SLC26A3: variants seen among roughly 807,000 people sequenced by gnomAD.
SLC26A3 encodes chloride anion exchanger.
Under a neutral mutation model 85.6 loss-of-function variants are expected in SLC26A3, and 64 were observed. The observed-to-expected ratio is 0.75, with a 90% CI of 0.61 to 0.92. SLC26A3 has a LOEUF of 0.92. Among genes scored for constraint, SLC26A3 ranks in the 40% least tolerant of loss-of-function variants. SLC26A3 has a pLI of 0.00. For synonymous variants in SLC26A3, 349 were observed against 336.0 expected (o/e 1.04, Z -0.42); for missense variants, 922 against 927.3 (o/e 0.99, Z 0.07).
chr7:107,803,016 A>AT (rs1186446164), intron 1 of SLC26A3, 95 bp downstream of exon 1: 1 of 152,332 alleles, frequency 6.6e-6, no homozygotes, highest in Non-Finnish European at 1.5e-5. Flanking sequence ...ACTCAAGAAC[A>AT]TAATAACTCC....
At chr7:107,769,515 G>A (rs1203894429) in intron 18 of SLC26A3, among the ~76,000 whole-genome samples, 1 of 152,136 alleles carries the variant, frequency 6.6e-6, no homozygotes, top group Non-Finnish European at 1.5e-5. Flanking sequence ...TTATAAGTGG[G>A]AGCTAAATGA....
At chr7:107,796,621 C>A (rs1055946265) in intron 1 of SLC26A3, among the ~76,000 whole-genome samples, 3 of 152,186 alleles carry the variant, frequency 2.0e-5, no homozygotes, top group Admixed American at 6.5e-5. Flanking sequence ...GGATTTTTGT[C>A]TTTTTTTGGC....
intron 1 of SLC26A3, among the ~76,000 whole-genome samples, chr7:107,797,325 C>T (rs1241381947): frequency 6.6e-6 from 1 of 152,126 alleles, no homozygotes; most frequent in Non-Finnish European, 1.5e-5. Flanking sequence ...GAAAACTTGT[C>T]TCTACTAAAA....
intron 12 of SLC26A3, among the ~76,000 whole-genome samples, chr7:107,778,532 A>G (rs1421547571): frequency 6.6e-6 from 1 of 152,078 alleles, no homozygotes; most frequent in Non-Finnish European, 1.5e-5. Flanking sequence ...CTGGGCCACA[A>G]AAACACACAC....
chr7:107,791,323 C>G (rs1387813712), intron 4 of SLC26A3, 88 bp from the exon 5 acceptor site: 2 of 1,407,330 alleles, frequency 1.4e-6, no homozygotes, highest in East Asian at 2.3e-5. Flanking sequence ...TATAAAATGA[C>G]TGGCAAGGCT....
chr7:107,784,749 C>G (rs1308021025), intron 8 of SLC26A3, among the ~76,000 whole-genome samples: 1 of 152,136 alleles, frequency 6.6e-6, no homozygotes, highest in East Asian at 1.9e-4. Context: ...CTTTTCTTCA[C>G]AGTTTAGTGG....
At chr7:107,782,422 C>CT (rs1392079478) in intron 11 of SLC26A3, among the ~76,000 whole-genome samples, 2 of 152,156 alleles carry the variant, frequency 1.3e-5, no homozygotes, top group African/African-American at 4.8e-5. Context: ...AGTTGTGTGG[C>CT]TGGTAGGGCC....
At chr7:107,795,836 G>A (rs1319535231) in intron 1 of SLC26A3, among the ~76,000 whole-genome samples, 1 of 151,710 alleles carries the variant, frequency 6.6e-6, no homozygotes, top group South Asian at 2.1e-4. Flanking sequence ...ATAGTATCTT[G>A]TTACACCGTG....
chr7:107,780,119 A>G (rs73727208), intron 11 of SLC26A3, among the ~76,000 whole-genome samples: 6,823 of 151,792 alleles, frequency 0.045, 189 homozygotes, highest in South Asian at 0.083. Flanking sequence ...AGACAGTCTA[A>G]TGTGTGTTTG....
Position 107,774,771 on chromosome 7 carries a change from A to G in SLC26A3, c.1773+6T>C, listed in dbSNP as rs753753043. 1 of 1,607,248 alleles carries G rather than the reference A, an allele frequency of 6.2e-7. No homozygotes were observed. The highest frequency in any genetic ancestry group is 1.7e-5 in the Admixed American group (1 of 60,010). ...TAATGCATAGAAATGTGGTCAAGGA[A>G]CTTACTGGTGTCACTTGTAGCAAGC... On this transcript the variant is annotated splice_donor_region_variant and intron_variant, in intron 16 of 20. Coordinates refer to ENST00000340010, the MANE Select transcript of SLC26A3 (RefSeq NM_000111.3).
At chr7:107,771,210 C>A (rs1794024579) in intron 18 of SLC26A3, among the ~76,000 whole-genome samples, 1 of 152,010 alleles carries the variant, frequency 6.6e-6, no homozygotes, top group Non-Finnish European at 1.5e-5. Context: ...AGCAGTGATG[C>A]AGTGATTGTG....
rs931389540 is a variant in SLC26A3, at chr7:107,768,017, C to T, written c.2063-109G>A. The T allele has an allele frequency of 1.2e-5, 12 of 1,002,356 alleles. No individual in the cohort carries two copies. The African/African-American group carries it at 1.8e-4, about 15-fold the overall frequency. 62.1% of individuals were successfully genotyped at this position (1,002,356 alleles called of 1,614,324 possible). The stretch of plus-strand genomic sequence containing the variant: ...CATTTGCAAATGTGCGTTTCATTGA[C>T]ATTTGGTTAAGTGTGTGTGGGTTGC... On this transcript the variant is annotated intron_variant, in intron 18 of 20. Coordinates refer to ENST00000340010, the MANE Select transcript of SLC26A3 (RefSeq NM_000111.3).
At position 107,794,422 on chromosome 7, in the gene SLC26A3, T is replaced by C; in HGVS notation, c.88A>G (p.Arg30Gly). Residue 30 changes from arginine to glycine, a missense_variant, in exon 2 of 21, where the codon AGA (arginine) becomes GGA (glycine). Arg to Gly is a moderately radical substitution (Grantham distance 125). Coordinates refer to ENST00000340010, the MANE Select transcript of SLC26A3 (RefSeq NM_000111.3). ...TGATCCAGAAATGTCTTATGATGTC[T>C]TCCTGTCTTTTTATGATTTTCCTCA... ...AFEENHKKTG[R>G]HHKTFLDHLK... The C allele has an allele frequency of 6.2e-7, 1 of 1,614,068 alleles. No homozygotes were observed. Among genetic ancestry groups the C allele is most frequent in the South Asian group, 1.1e-5 (1 of 91,080 alleles).
chr7:107,794,350 T>TA (rs1470363291), intron 2 of SLC26A3, 29 bp downstream of exon 2: 2 of 1,612,390 alleles, frequency 1.2e-6, no homozygotes, highest in Non-Finnish European at 1.7e-6. Flanking sequence ...AATGTATTCC[T>TA]AATGCCAATA....
intron 8 of SLC26A3, among the ~76,000 whole-genome samples, chr7:107,784,259 G>C (rs1041434499): frequency 6.6e-6 from 1 of 152,112 alleles, no homozygotes; most frequent in African/African-American, 2.4e-5. Context: ...AAATCCAAAA[G>C]TTAGCTTGGA....
rs758176955 is a variant in SLC26A3 at position 107,787,350 on chromosome 7, C to G, written c.888+7G>C. ...AGCTATGACAGAGTCTGAAAATGAT[C>G]AATTACCATAATGAATTCGATTGGA... On this transcript the variant is annotated splice_region_variant and intron_variant, in intron 7 of 20. Coordinates refer to ENST00000340010, the MANE Select transcript of SLC26A3 (RefSeq NM_000111.3). 6.2e-7 allele frequency: 1 copy of G among 1,613,824 alleles called. No individual in the cohort carries two copies. Among genetic ancestry groups the G allele is most frequent in the Non-Finnish European group, 8.5e-7 (1 of 1,179,798 alleles).
At chr7:107,767,999 A>C in intron 18 of SLC26A3, 91 bp from the exon 19 acceptor site, 1 of 1,185,088 alleles carries the variant, frequency 8.4e-7, no homozygotes, top group Non-Finnish European at 1.2e-6. Flanking sequence ...TTCCATTTGC[A>C]AATGTGCGTT....
chr7:107,784,374 G>C (rs1374017977), intron 8 of SLC26A3, among the ~76,000 whole-genome samples: 1 of 152,128 alleles, frequency 6.6e-6, no homozygotes, highest in African/African-American at 2.4e-5. Context: ...AAAGACTTGG[G>C]TTCATTTCCT....
chr7:107,791,301 A>T, intron 4 of SLC26A3, 66 bp from the exon 5 acceptor site: 1 of 1,492,818 alleles, frequency 6.7e-7, no homozygotes. Context: ...TTTCAACCAC[A>T]GAATAAGACC....
Sources: gnomAD v4.1 joint callset for allele counts (sites outside exome capture counted in the v4.1 genomes callset) on GRCh38, gnomAD v4.1.1 for gene constraint, MANE v1.5 for transcripts, NCBI Gene and HGNC (gene_info 2026-07-23, HGNC 2026-07-21) for gene names.